Variants in NLRP1 observed in about 807,000 individuals in gnomAD.
NLRP1 encodes the protein NACHT, LRR and PYD domains-containing protein 1.
In NLRP1, 94 loss-of-function variants were observed where a neutral mutation model predicts 136.7. The ratio of observed to expected loss-of-function variants is 0.69; its 90% CI spans 0.58 to 0.82. The LOEUF (loss-of-function observed/expected upper bound fraction) is 0.82. Ranked by LOEUF, NLRP1 falls within the 40% of genes least tolerant of loss-of-function variation. NLRP1 has a pLI of 0.00. For missense variants in NLRP1, 1,575 were observed against 1,802.7 expected, an observed-to-expected ratio of 0.87 and a Z score of 2.29; for synonymous variants, 690 against 725.1, an observed-to-expected ratio of 0.95 and a Z score of 0.78.
rs569864592 is a variant in NLRP1 at position 5,532,842 on chromosome 17, G to A, written c.3276C>T (p.Asp1092=). ...PTGPVATEVV[D]KEKNLYRVHF... Reference sequence around the variant, plus strand: ...CTCACCGGTACAAGTTCTTTTCTTTGTCAACTACCTCAGTAGCCACAGGCC... The same window carrying A: ...CTCACCGGTACAAGTTCTTTTCTTTATCAACTACCTCAGTAGCCACAGGCC... Residue 1092 remains aspartate (D), a synonymous_variant, in exon 11 of 17, where the codon GAC becomes GAT. Coordinates refer to ENST00000572272, the MANE Select transcript of NLRP1 (RefSeq NM_033004.4). 1.2e-6 allele frequency: 2 copies of A among 1,606,154 alleles called. No individual in the cohort carries two copies. Among genetic ancestry groups the A allele is most frequent in the Admixed American group, 1.7e-5 (1 of 57,774 alleles).
chr17:5,522,635 G>A (rs1020002017), intron 12 of NLRP1, among the ~76,000 whole-genome samples: 21 of 152,212 alleles, frequency 1.4e-4, no homozygotes, highest in African/African-American at 3.9e-4. Context: ...TGGAGGCTGT[G>A]GGAAATTGTG....
chr17:5,531,138 TTGTCTGTCTATC>T (rs1271192487), intron 11 of NLRP1, among the ~76,000 whole-genome samples: 109 of 127,290 alleles, frequency 8.6e-4, no homozygotes, highest in African/African-American at 2.8e-3. Flanking sequence ...CTGTCTTGTC[TTGTCTGTCTATC>T]TATCTATCTA....
chr17:5,525,493 C>T (rs1909418221), intron 12 of NLRP1, among the ~76,000 whole-genome samples: 1 of 152,216 alleles, frequency 6.6e-6, no homozygotes, highest in Admixed American at 6.5e-5. Flanking sequence ...GGGCCTGTGG[C>T]CTGATGCCTG....
intron 6 of NLRP1, among the ~76,000 whole-genome samples, chr17:5,540,370 T>C (rs953763914): frequency 6.6e-6 from 1 of 152,236 alleles, no homozygotes; most frequent in Non-Finnish European, 1.5e-5. Flanking sequence ...GTTGTATATA[T>C]GTAGGCTCTC....
At position 5,502,045 on chromosome 17, in the gene NLRP1, G is replaced by A. The variant is rs982374271; in HGVS notation, c.4070-173C>T. On this transcript the variant is annotated intron_variant, in intron 15 of 15. Coordinates refer to the NLRP1 transcript ENST00000262467. ...TGAACCAAGGCCAGGATGCTGAAACGCTGTAACCAGGGTGCTGTTCCTCTC... is the reference window on the plus strand; with the variant it reads ...TGAACCAAGGCCAGGATGCTGAAACACTGTAACCAGGGTGCTGTTCCTCTC... The A allele has an allele frequency of 3.1e-5, 19 of 604,714 alleles. No homozygotes were observed. The South Asian group carries it at 3.2e-4, about 10-fold the overall frequency. 37.5% of individuals were successfully genotyped at this position (604,714 alleles called of 1,614,324 possible).
chr17:5,530,619 C>T lies in NLRP1; in HGVS notation c.3382G>A (p.Glu1128Lys). Residue 1128 changes from glutamate (E) to lysine (K), a missense_variant, in exon 12 of 17, where the codon GAA becomes AAA. Glu to Lys is a moderately conservative substitution (Grantham distance 56). Coordinates refer to ENST00000572272, the MANE Select transcript of NLRP1 (RefSeq NM_033004.4). ...VMREAVTVEI[E>K]FCVWDQFLGE... ...AGGAACTGGTCCCACACACAGAATT[C>T]AATCTCAACGGTCACCGCTTCTCTC... 1 of 1,614,214 alleles carries T rather than the reference C, an allele frequency of 6.2e-7. No individual in the cohort carries two copies. The highest frequency in any genetic ancestry group is 8.5e-7 in the Non-Finnish European group (1 of 1,180,036).
chr17:5,502,324 C>G (rs1453472340), intron 15 of NLRP1: 6 of 177,032 alleles, frequency 3.4e-5, no homozygotes, highest in Admixed American at 1.1e-4. Flanking sequence ...GGGTCTTGCT[C>G]TGTTGTCCAG....
At position 5,574,276 on chromosome 17, in the gene NLRP1, G is replaced by A. The variant is rs998868025; in HGVS notation, c.652+7583C>T. Reference sequence around the variant, plus strand: ...TAGAGAAAAAAGAGTAAAAAGAAACGAACAAAGCCTCCAAGAAATATGGGA... The same window carrying A: ...TAGAGAAAAAAGAGTAAAAAGAAACAAACAAAGCCTCCAAGAAATATGGGA... On this transcript the variant is annotated intron_variant, in intron 3 of 16. Coordinates refer to ENST00000572272, the MANE Select transcript of NLRP1 (RefSeq NM_033004.4). Among the ~76,000 whole-genome samples the A allele has an allele frequency of 3.3e-5, 5 of 152,100 alleles. No individual in the cohort carries two copies. In the South Asian group the frequency reaches 6.2e-4, roughly 19 times the overall value.
chr17:5,571,904 T>C (rs557865089), intron 3 of NLRP1, among the ~76,000 whole-genome samples: 2 of 152,270 alleles, frequency 1.3e-5, no homozygotes, highest in South Asian at 4.1e-4. Context: ...AACAGACACA[T>C]AGACCAATGG....
intron 3 of NLRP1, among the ~76,000 whole-genome samples, chr17:5,568,612 A>G (rs2151814904): frequency 6.6e-6 from 1 of 152,198 alleles, no homozygotes; most frequent in Admixed American, 6.5e-5. Flanking sequence ...ATGCTAGTAG[A>G]TGTTCTTCAG....
intron 15 of NLRP1, among the ~76,000 whole-genome samples, chr17:5,506,678 G>A (rs1194612538): frequency 1.3e-5 from 2 of 151,524 alleles, no homozygotes; most frequent in Non-Finnish European, 2.9e-5. Flanking sequence ...GATCACCTGA[G>A]GTCAGGAGTT....
At chr17:5,502,906 A>G (rs1907159584) in intron 15 of NLRP1, 1 of 152,190 alleles carries the variant, frequency 6.6e-6, no homozygotes, top group African/African-American at 2.4e-5. Context: ...AAGAGTGTCA[A>G]GGGTGGAATA....
intron 12 of NLRP1, among the ~76,000 whole-genome samples, chr17:5,527,559 C>T (rs753851463): frequency 8.5e-5 from 13 of 152,160 alleles, no homozygotes; most frequent in Non-Finnish European, 1.5e-4. Context: ...TCACCTCTCT[C>T]GGCTTCAGTT....
chr17:5,511,397 C>T (rs145381217), downstream of NLRP1, among the ~76,000 whole-genome samples: 321 of 149,576 alleles, frequency 2.1e-3, 1 homozygote, highest in African/African-American at 7.2e-3. Context: ...GCTGAGATTG[C>T]GCCACTGCAC....
intron 8 of NLRP1, 103 bp downstream of exon 8, chr17:5,536,748 T>C: frequency 1.3e-6 from 1 of 760,782 alleles, no homozygotes; most frequent in Non-Finnish European, 2.3e-6. Context: ...GGTGTCTGGG[T>C]TTCTCCCTGG....
At chr17:5,516,937 A>G (rs888586181) in intron 15 of NLRP1, among the ~76,000 whole-genome samples, 1 of 152,142 alleles carries the variant, frequency 6.6e-6, no homozygotes, top group Non-Finnish European at 1.5e-5. Context: ...GGGTTCTTAG[A>G]TTGTTGGTAC....
intron 3 of NLRP1, among the ~76,000 whole-genome samples, chr17:5,564,431 C>T (rs1434070005): frequency 6.6e-6 from 1 of 152,112 alleles, no homozygotes; most frequent in Non-Finnish European, 1.5e-5. Flanking sequence ...TTAGATCCCA[C>T]AAATAAGTGA....
In NLRP1 at chr17:5,541,252, G is replaced by T. The variant is rs1200354482; in HGVS notation, c.2699+605C>A. On this transcript the variant is annotated intron_variant, in intron 6 of 16. Transcript: ENST00000572272. The surrounding 1 kb of genome is among the most constrained non-coding windows in gnomAD (Gnocchi z 4.2). ...GTAGAGACAAGGTTTCACCATGTTG[G>T]CTAGGCTGGTCTGGAACTCCTGACC... Among the ~76,000 whole-genome samples, 1 of 152,136 alleles carries T rather than the reference G, an allele frequency of 6.6e-6. No homozygotes were observed. The highest frequency in any genetic ancestry group is 1.5e-5 in the Non-Finnish European group (1 of 68,002).
At chr17:5,568,327 C>T (rs112259475) in intron 3 of NLRP1, among the ~76,000 whole-genome samples, 1 of 152,076 alleles carries the variant, frequency 6.6e-6, no homozygotes, top group Admixed American at 6.5e-5. Context: ...TCTGCTGGAT[C>T]CATTCTGCTA....
Sources: allele counts gnomAD v4.1 joint callset (sites outside exome capture counted in the v4.1 genomes callset), GRCh38; gene constraint gnomAD v4.1.1; non-coding constraint Gnocchi (gnomAD v3.1); transcripts MANE v1.5; gene names NCBI Gene and HGNC (gene_info 2026-07-23, HGNC 2026-07-21).